The following MEIS1 variants were observed in gnomAD, a reference collection of about 807,000 sequenced individuals.
The protein encoded by MEIS1 is homeobox protein Meis1.
In MEIS1, 5 loss-of-function variants were observed where a neutral mutation model predicts 50.8. That is an observed-to-expected ratio of 0.10 (90% CI 0.05 to 0.21). The LOEUF is 0.21. MEIS1 is among the 10% of genes least tolerant of loss of function. The pLI, the probability that MEIS1 is intolerant of heterozygous loss-of-function variation, is 1.00. For synonymous variants in MEIS1, 176 were observed against 179.3 expected (o/e 0.98, Z 0.15); for missense variants, 318 against 517.3 (o/e 0.61, Z 3.74).
chr2:66,462,254 C>A (rs1414028604), intron 6 of MEIS1, among the ~76,000 whole-genome samples: 1 of 152,098 alleles, frequency 6.6e-6, no homozygotes, highest in African/African-American at 2.4e-5. Context: ...CTTGTTATCG[C>A]TAGCTTTTCT....
chr2:66,511,725 G>C (rs111481285), intron 7 of MEIS1, among the ~76,000 whole-genome samples: 13 of 152,310 alleles, frequency 8.5e-5, no homozygotes, highest in African/African-American at 2.9e-4. Context: ...TATCTTAAAT[G>C]AATCTTCTCA....
intron 4 of MEIS1, chr2:66,440,912 T>C (rs1454600854): frequency 4.3e-6 from 2 of 467,944 alleles, no homozygotes; most frequent in Admixed American, 3.8e-5. Context: ...TGTCAGCATG[T>C]GTGCTTAAAC....
At chr2:66,494,325 T>A (rs1017094578) in intron 7 of MEIS1, among the ~76,000 whole-genome samples, 1 of 152,198 alleles carries the variant, frequency 6.6e-6, no homozygotes, top group South Asian at 2.1e-4. Flanking sequence ...ATGGAAAAAC[T>A]CAGGGTAAGA....
At chr2:66,558,142 G>A (rs1056323412) in intron 9 of MEIS1, among the ~76,000 whole-genome samples, 2 of 151,868 alleles carry the variant, frequency 1.3e-5, no homozygotes, top group African/African-American at 4.8e-5. Flanking sequence ...AGCTGGGAGT[G>A]GGGGTGCATG....
intron 9 of MEIS1, among the ~76,000 whole-genome samples, chr2:66,556,101 C>T (rs1399185808): frequency 1.3e-5 from 2 of 152,038 alleles, no homozygotes; most frequent in Non-Finnish European, 2.9e-5. Flanking sequence ...GTAACTTTGG[C>T]AAATATAAGG....
chr2:66,496,548 G>C (rs570880542), intron 7 of MEIS1, among the ~76,000 whole-genome samples: 1 of 152,272 alleles, frequency 6.6e-6, no homozygotes, highest in East Asian at 1.9e-4. Flanking sequence ...GACGTGGAGC[G>C]ATACTTGAAA....
chr2:66,487,145 G>C (rs1054165535), intron 7 of MEIS1, among the ~76,000 whole-genome samples: 40 of 152,178 alleles, frequency 2.6e-4, no homozygotes, highest in African/African-American at 9.7e-4. Flanking sequence ...AATAGGAGTG[G>C]TGAGAGAGGG....
chr2:66,527,310 C>A (rs1209264159), intron 8 of MEIS1, among the ~76,000 whole-genome samples: 1 of 152,080 alleles, frequency 6.6e-6, no homozygotes, highest in Non-Finnish European at 1.5e-5. Context: ...AAACTCAGGG[C>A]CATAAATTTC....
At chr2:66,440,530 C>A in intron 3 of MEIS1, 32 bp from the exon 4 acceptor site, 1 of 1,588,818 alleles carries the variant, frequency 6.3e-7, no homozygotes, top group Middle Eastern at 1.7e-4. Context: ...TCTCTCCCCT[C>A]CCTCTCCCCT....
chr2:66,569,414 G>A (rs1558567860), intron 12 of MEIS1: 1 of 228,106 alleles, frequency 4.4e-6, no homozygotes, highest in East Asian at 1.1e-4. Context: ...TGGGGGAGTG[G>A]GTTGTCATAG....
chr2:66,560,631 A>ACCTT (rs2103960138), intron 9 of MEIS1, among the ~76,000 whole-genome samples: 1 of 152,110 alleles, frequency 6.6e-6, no homozygotes, highest in South Asian at 2.1e-4. Flanking sequence ...ATATGTAATT[A>ACCTT]CCTTCCTCAA....
At chr2:66,473,223 A>C (rs1168186449) in intron 7 of MEIS1, among the ~76,000 whole-genome samples, 1 of 151,386 alleles carries the variant, frequency 6.6e-6, no homozygotes, top group Non-Finnish European at 1.5e-5. Flanking sequence ...TACTAAAAAT[A>C]CAAAATTAGC....
At chr2:66,562,481 A>T (rs373249962) in intron 9 of MEIS1, among the ~76,000 whole-genome samples, 1 of 152,078 alleles carries the variant, frequency 6.6e-6, no homozygotes, top group Non-Finnish European at 1.5e-5. Context: ...TTTTTTAAAC[A>T]TGAGTCACAG....
intron 7 of MEIS1, among the ~76,000 whole-genome samples, chr2:66,498,628 A>T (rs1376976106): frequency 6.6e-6 from 1 of 152,172 alleles, no homozygotes; most frequent in African/African-American, 2.4e-5. Flanking sequence ...GGCTCAGAGT[A>T]GCCTTGTCCC....
intron 6 of MEIS1, among the ~76,000 whole-genome samples, chr2:66,445,658 GTTTAT>G (rs1672114937): frequency 6.6e-6 from 1 of 152,098 alleles, no homozygotes; most frequent in South Asian, 2.1e-4. Flanking sequence ...TGGCGGCACG[GTTTAT>G]TTTATTTTAC....
At chr2:66,527,943 C>T (rs557076138) in intron 8 of MEIS1, among the ~76,000 whole-genome samples, 9 of 151,970 alleles carry the variant, frequency 5.9e-5, no homozygotes, top group Admixed American at 2.0e-4. Flanking sequence ...CATATACATC[C>T]GGAACGTTCT....
chr2:66,537,663 G>C (rs1310049127), intron 8 of MEIS1, among the ~76,000 whole-genome samples: 2 of 152,164 alleles, frequency 1.3e-5, no homozygotes, highest in Non-Finnish European at 2.9e-5. Context: ...ATGCTAGACA[G>C]GGCATCTGTA....
At position 66,441,519 on chromosome 2, in the gene MEIS1, G is replaced by C. The variant is rs150783589; in HGVS notation, c.483+55G>C. On this transcript the variant is annotated intron_variant, in intron 5 of 12. Transcript: ENST00000272369. ...TTACCCCTTACCCCCAAACACACAG[G>C]GGGGAGGGTTCCGAATGGCTGAAGT... The C allele has an allele frequency of 1.6e-3, 2,188 of 1,411,176 alleles. 3 individuals are homozygous for C. Among genetic ancestry groups the C allele is most frequent in the Non-Finnish European group, 1.9e-3 (2,026 of 1,057,506 alleles). 87.4% of individuals were successfully genotyped at this position (1,411,176 alleles called of 1,614,324 possible).
intron 7 of MEIS1, among the ~76,000 whole-genome samples, chr2:66,507,448 C>T (rs1673709715): frequency 6.6e-6 from 1 of 152,216 alleles, no homozygotes; most frequent in Non-Finnish European, 1.5e-5. Flanking sequence ...TTCATTTGCC[C>T]TGGCAGTTGA....
Sources: allele counts gnomAD v4.1 joint callset (sites outside exome capture counted in the v4.1 genomes callset), GRCh38; gene constraint gnomAD v4.1.1; transcripts MANE v1.5; gene names NCBI Gene and HGNC (gene_info 2026-07-23, HGNC 2026-07-21).